The following FMN2 variants were observed in gnomAD, a reference collection of about 807,000 sequenced individuals.
FMN2 encodes the protein formin 2, also known as formin-2.
Under a neutral mutation model 142.3 loss-of-function variants are expected in FMN2, and 51 were observed. The ratio of observed to expected loss-of-function variants is 0.36; its 90% confidence interval spans 0.29 to 0.45. The LOEUF (loss-of-function observed/expected upper bound fraction) is 0.45, where lower values mean the gene tolerates loss of function less well. FMN2 is among the 20% of genes least tolerant of loss of function. The pLI is 1.00. For synonymous variants in FMN2, 882 were observed against 869.8 expected, an observed-to-expected ratio of 1.01 and a Z score of -0.25; for missense variants, 1,936 against 2,122.8, an observed-to-expected ratio of 0.91 and a Z score of 1.73.
At position 240,473,239 on chromosome 1, in the gene FMN2, G is replaced by C. The variant is rs373519418; in HGVS notation, c.5142+786G>C. ...TCGGCAGAGTTGGCTGCCGGAGAGT[G>C]GTCAGTCCAGAGACGGAGTTTAACA... On this transcript the variant is annotated intron_variant, in intron 17 of 17. Coordinates refer to ENST00000319653, the MANE Select transcript of FMN2 (RefSeq NM_020066.5). The surrounding 1 kb of genome is among the most constrained non-coding windows in gnomAD (Gnocchi z 4.3). 5.9e-5 allele frequency among the ~76,000 whole-genome samples: 9 copies of C among 152,110 alleles called. No individual in the cohort carries two copies. Among genetic ancestry groups the C allele is most frequent in the Admixed American group, 4.6e-4 (7 of 15,280 alleles).
At chr1:240,217,816 A>T (rs766325196) in intron 6 of FMN2, among the ~76,000 whole-genome samples, 1 of 152,134 alleles carries the variant, frequency 6.6e-6, no homozygotes. Context: ...TAAAAAAAAA[A>T]ACACGAATAC....
intron 4 of FMN2, among the ~76,000 whole-genome samples, chr1:240,190,854 T>C (rs1325645964): frequency 1.3e-5 from 2 of 152,234 alleles, no homozygotes; most frequent in Non-Finnish European, 2.9e-5. Context: ...TTTTGAAGTT[T>C]TACTAGAACT....
At chr1:240,157,954 TAGTC>T (rs1318870790) in intron 2 of FMN2, among the ~76,000 whole-genome samples, 1 of 133,852 alleles carries the variant, frequency 7.5e-6, no homozygotes, top group Admixed American at 8.2e-5. Flanking sequence ...TGAGGCAACA[TAGTC>T]AGACTCTGTC....
chr1:240,145,375 C>T lies in FMN2; in HGVS notation c.1782+22030C>T, dbSNP rs1355007178. 7 of 572,682 alleles carry T rather than the reference C, an allele frequency of 1.2e-5. No individual in the cohort carries two copies. In the East Asian group the frequency reaches 2.0e-4, roughly 17 times the overall value. 35.5% of individuals were successfully genotyped at this position (572,682 alleles called of 1,614,324 possible). ...TCTTGTCCCATCCTCCCTCCTCCAT[C>T]TCCGCTGCCACTGCCCTTTATTTTT... is the stretch of plus-strand genomic sequence containing the variant. On this transcript the variant is annotated intron_variant, in intron 2 of 17. Transcript: ENST00000319653.
chr1:240,391,928 G>A (rs1053524491), intron 14 of FMN2, among the ~76,000 whole-genome samples: 1 of 151,914 alleles, frequency 6.6e-6, no homozygotes, highest in African/African-American at 2.4e-5. Context: ...TTTGACCTTT[G>A]GGTTTGTAGC....
At chr1:240,423,467 T>C (rs1452176873) in intron 15 of FMN2, among the ~76,000 whole-genome samples, 1 of 152,234 alleles carries the variant, frequency 6.6e-6, no homozygotes, top group Non-Finnish European at 1.5e-5. Context: ...TAAACTGGTA[T>C]GCTCTCTTGG....
chr1:240,364,757 A>G (rs1282281221), intron 14 of FMN2, among the ~76,000 whole-genome samples: 1 of 152,096 alleles, frequency 6.6e-6, no homozygotes, highest in Non-Finnish European at 1.5e-5. Flanking sequence ...ATATCTCCAT[A>G]ATGTGTTCCA....
chr1:240,123,710 G>T (rs1186822359), intron 2 of FMN2, among the ~76,000 whole-genome samples: 6 of 152,048 alleles, frequency 3.9e-5, no homozygotes, highest in African/African-American at 1.4e-4. Context: ...TAAATGTACC[G>T]TTTAGTGGCA....
At chr1:240,371,564 A>G (rs1672867888) in intron 14 of FMN2, among the ~76,000 whole-genome samples, 1 of 152,204 alleles carries the variant, frequency 6.6e-6, no homozygotes, top group Non-Finnish European at 1.5e-5. Context: ...CAATTCTGGT[A>G]TAATAAAACC....
chr1:240,220,281 T>G (rs778330849), intron 6 of FMN2, among the ~76,000 whole-genome samples: 1 of 152,144 alleles, frequency 6.6e-6, no homozygotes, highest in Non-Finnish European at 1.5e-5. Flanking sequence ...CAACCCACTC[T>G]GTTACCAGCC....
chr1:240,097,021 CAG>C (rs1377416301), intron 1 of FMN2, among the ~76,000 whole-genome samples: 1 of 152,136 alleles, frequency 6.6e-6, no homozygotes, highest in Non-Finnish European at 1.5e-5. Flanking sequence ...TTAAGTATAA[CAG>C]AAGCTTGGTA....
chr1:240,406,898 C>A (rs1000403565), intron 15 of FMN2, among the ~76,000 whole-genome samples: 1 of 152,148 alleles, frequency 6.6e-6, no homozygotes, highest in African/African-American at 2.4e-5. Context: ...ATATAACCAT[C>A]CTGAAAAGAG....
chr1:240,468,950 G>A (rs576200831), intron 16 of FMN2, among the ~76,000 whole-genome samples: 6 of 152,162 alleles, frequency 3.9e-5, no homozygotes, highest in East Asian at 3.9e-4. Flanking sequence ...TTTTCCTGCC[G>A]AAAGTGTGGA....
At chr1:240,375,290 A>T (rs1673007419) in intron 14 of FMN2, among the ~76,000 whole-genome samples, 1 of 152,222 alleles carries the variant, frequency 6.6e-6, no homozygotes, top group Non-Finnish European at 1.5e-5. Context: ...ACACAAAGTG[A>T]GCACATGATG....
chr1:240,171,616 G>A (rs17624129), intron 2 of FMN2, among the ~76,000 whole-genome samples: 26,892 of 152,168 alleles, frequency 0.18, 2,555 homozygotes, highest in Middle Eastern at 0.27. Flanking sequence ...TTTAAGGTGG[G>A]AACCAAACCC....
chr1:240,463,937 A>G (rs1356019656), intron 16 of FMN2, among the ~76,000 whole-genome samples: 3 of 152,054 alleles, frequency 2.0e-5, no homozygotes, highest in African/African-American at 7.2e-5. Flanking sequence ...TACGAGGCAG[A>G]GGTTGTAGTG....
intron 2 of FMN2, among the ~76,000 whole-genome samples, chr1:240,172,389 A>T (rs181138605): frequency 6.6e-6 from 1 of 152,242 alleles, no homozygotes; most frequent in Non-Finnish European, 1.5e-5. Context: ...GATGATGTGT[A>T]GGTGAGATAA....
intron 6 of FMN2, among the ~76,000 whole-genome samples, chr1:240,248,111 C>T (rs1668142605): frequency 1.3e-5 from 2 of 151,972 alleles, no homozygotes; most frequent in African/African-American, 4.8e-5. Flanking sequence ...ACCACCCACC[C>T]TACGCAGCCT....
intron 16 of FMN2, chr1:240,458,553 A>G (rs1349988299): frequency 1.3e-5 from 2 of 152,230 alleles, no homozygotes; most frequent in Non-Finnish European, 2.9e-5. Flanking sequence ...GTGTTGTTAG[A>G]ACCAATAGAG....
Sources: allele counts gnomAD v4.1 joint callset (sites outside exome capture counted in the v4.1 genomes callset), GRCh38; gene constraint gnomAD v4.1.1; non-coding constraint Gnocchi (gnomAD v3.1); transcripts MANE v1.5; gene names NCBI Gene and HGNC (gene_info 2026-07-23, HGNC 2026-07-21).